LARGE1: variants seen among roughly 807,000 people sequenced by gnomAD.
LARGE1 encodes LARGE xylosyl- and glucuronyltransferase 1.
A neutral mutation model predicts 87.6 loss-of-function variants in LARGE1; 43 were observed. The ratio of observed to expected loss-of-function variants is 0.49; its 90% CI spans 0.38 to 0.63. LARGE1 has a LOEUF of 0.63. Among genes scored for constraint, LARGE1 ranks in the 30% least tolerant of loss-of-function variants. LARGE1 has a pLI of 0.00. For synonymous variants in LARGE1, 434 were observed against 394.6 expected, an observed-to-expected ratio of 1.10 and a Z score of -1.18; for missense variants, 802 against 1,000.2, an observed-to-expected ratio of 0.80 and a Z score of 2.67.
chr22:33,577,886 T>C (rs1303853919), intron 5 of LARGE1, among the ~76,000 whole-genome samples: 14 of 152,218 alleles, frequency 9.2e-5, no homozygotes, highest in Admixed American at 9.2e-4. Flanking sequence ...TCTCTTGGTG[T>C]AGTAAAAGGA....
At chr22:33,414,421 G>C (rs1175458943) in intron 7 of LARGE1, among the ~76,000 whole-genome samples, 4 of 152,072 alleles carry the variant, frequency 2.6e-5, no homozygotes, top group Non-Finnish European at 5.9e-5. Context: ...CAATAAAAGG[G>C]TGTGTGCCAT....
At chr22:33,428,021 T>G (rs898390278) in intron 7 of LARGE1, among the ~76,000 whole-genome samples, 6 of 152,202 alleles carry the variant, frequency 3.9e-5, no homozygotes, top group Non-Finnish European at 7.3e-5. Flanking sequence ...CCTTTTCAGA[T>G]AGTAAAGAGA....
At chr22:33,627,377 C>T (rs2079955441) in intron 3 of LARGE1, among the ~76,000 whole-genome samples, 1 of 152,200 alleles carries the variant, frequency 6.6e-6, no homozygotes, top group South Asian at 2.1e-4. Context: ...TCTACTGAAG[C>T]ACAGCCTTCC....
At chr22:33,125,631 G>C in the LARGE1 span, among the ~76,000 whole-genome samples, 1 of 152,160 alleles carries the variant, frequency 6.6e-6, no homozygotes, top group African/African-American at 2.4e-5. Flanking sequence ...ATTTTTAATA[G>C]AGATGGAGTT....
intron 5 of LARGE1, among the ~76,000 whole-genome samples, chr22:33,567,677 G>A (rs1701427953): frequency 6.6e-6 from 1 of 152,126 alleles, no homozygotes; most frequent in African/African-American, 2.4e-5. Context: ...CTGTGTAATG[G>A]TGGAGACTGG....
intron 7 of LARGE1, among the ~76,000 whole-genome samples, chr22:33,387,929 T>C (rs962577389): frequency 6.6e-6 from 1 of 152,218 alleles, no homozygotes; most frequent in African/African-American, 2.4e-5. Flanking sequence ...AAATCTAAAG[T>C]TCATCTCATT....
intron 4 of LARGE1, among the ~76,000 whole-genome samples, chr22:33,606,600 T>C (rs141462212): frequency 1.1e-3 from 161 of 152,040 alleles, no homozygotes; most frequent in African/African-American, 3.8e-3. Flanking sequence ...CCGTGCTCTC[T>C]CTCCACCCTG....
At chr22:33,916,548 T>C (rs926497213) in intron 1 of LARGE1, among the ~76,000 whole-genome samples, 14 of 152,276 alleles carry the variant, frequency 9.2e-5, no homozygotes, top group African/African-American at 3.1e-4. Context: ...TGGCAAATAC[T>C]CCATGTAGAG....
chr22:33,119,640 G>A, the LARGE1 span, among the ~76,000 whole-genome samples: 8 of 152,070 alleles, frequency 5.3e-5, no homozygotes, highest in Admixed American at 3.9e-4. Context: ...TGTCCCAAAT[G>A]TGAAGAGTCA....
chr22:33,260,102 A>G (rs1273012793), intron 11 of LARGE1, among the ~76,000 whole-genome samples: 1 of 152,106 alleles, frequency 6.6e-6, no homozygotes, highest in Non-Finnish European at 1.5e-5. Context: ...AATTATTCAC[A>G]CTAGCCAATC....
At chr22:33,756,296 G>A (rs1398636628) in intron 2 of LARGE1, among the ~76,000 whole-genome samples, 1 of 152,144 alleles carries the variant, frequency 6.6e-6, no homozygotes, top group Admixed American at 6.5e-5. Context: ...CACTACAGTA[G>A]GTGCTAGAGG....
intron 11 of LARGE1, among the ~76,000 whole-genome samples, chr22:33,211,232 C>T (rs1163823240): frequency 4.6e-5 from 7 of 152,190 alleles, no homozygotes; most frequent in Admixed American, 4.6e-4. Context: ...CTCTCCTCCT[C>T]ATCGGGCCTC....
chr22:33,450,871 G>C (rs1332009875), intron 6 of LARGE1, among the ~76,000 whole-genome samples: 1 of 152,158 alleles, frequency 6.6e-6, no homozygotes, highest in African/African-American at 2.4e-5. Flanking sequence ...TAGCTAGAAT[G>C]GGGTGTCTGG....
chr22:33,739,188 G>T (rs141949960), intron 2 of LARGE1, among the ~76,000 whole-genome samples: 1 of 152,210 alleles, frequency 6.6e-6, no homozygotes, highest in East Asian at 1.9e-4. Context: ...CACTGGGCAC[G>T]TGTAGAAACT....
At chr22:33,390,689 G>GTT (rs200764992) in intron 7 of LARGE1, among the ~76,000 whole-genome samples, 16 of 131,814 alleles carry the variant, frequency 1.2e-4, no homozygotes, top group African/African-American at 2.6e-4. Flanking sequence ...TTTGTTGTGT[G>GTT]TTTTTTTTTT....
At chr22:33,430,746 C>A (rs113077720) in intron 7 of LARGE1, among the ~76,000 whole-genome samples, 76 of 152,312 alleles carry the variant, frequency 5.0e-4, no homozygotes, top group African/African-American at 1.8e-3. Context: ...CCTCCTCTAG[C>A]TTTGACCCCC....
At chr22:33,498,281 T>C (rs947526457) in intron 6 of LARGE1, among the ~76,000 whole-genome samples, 18 of 152,126 alleles carry the variant, frequency 1.2e-4, no homozygotes, top group Non-Finnish European at 1.9e-4. Flanking sequence ...CAGATTTAAC[T>C]TTTTTTGCAA....
intron 10 of LARGE1, among the ~76,000 whole-genome samples, chr22:33,318,197 T>C (rs1936362217): frequency 7.0e-6 from 1 of 143,692 alleles, no homozygotes; most frequent in Non-Finnish European, 1.5e-5. Flanking sequence ...ATCATGACAC[T>C]GCATGCCAGC....
At chr22:33,120,671 C>A in the LARGE1 span, among the ~76,000 whole-genome samples, 2 of 151,868 alleles carry the variant, frequency 1.3e-5, no homozygotes, top group African/African-American at 4.8e-5. Context: ...CTCCTGCCAC[C>A]ACGTGCAGCT....
Sources: gnomAD v4.1 joint callset for allele counts (sites outside exome capture counted in the v4.1 genomes callset) on GRCh38, gnomAD v4.1.1 for gene constraint, MANE v1.5 for transcripts, NCBI Gene and HGNC (gene_info 2026-07-23, HGNC 2026-07-21) for gene names.